Variants in PDZRN4 observed in about 807,000 individuals in gnomAD.
PDZRN4 encodes PDZ domain containing ring finger 4.
A neutral mutation model predicts 99.0 loss-of-function variants in PDZRN4; 70 were observed. The ratio of observed to expected loss-of-function variants is 0.71; its 90% CI spans 0.58 to 0.86. The LOEUF (loss-of-function observed/expected upper bound fraction) is 0.86, where lower values mean the gene tolerates loss of function less well. Ranked by LOEUF, PDZRN4 falls within the 40% of genes least tolerant of loss-of-function variation. PDZRN4 has a pLI of 0.00. For missense variants in PDZRN4, 1,474 were observed against 1,331.2 expected (o/e 1.11, Z -1.67); for synonymous variants, 551 against 501.6 (o/e 1.10, Z -1.32).
intron 4 of PDZRN4, among the ~76,000 whole-genome samples, chr12:41,508,874 A>G (rs1388189644): frequency 6.6e-6 from 1 of 152,100 alleles, no homozygotes; most frequent in Non-Finnish European, 1.5e-5. Flanking sequence ...CCAATTTTTC[A>G]AAAAGATCCA....
intron 3 of PDZRN4, among the ~76,000 whole-genome samples, chr12:41,259,162 T>C (rs1033790112): frequency 2.6e-5 from 4 of 152,126 alleles, no homozygotes; most frequent in Non-Finnish European, 5.9e-5. Flanking sequence ...GTGTATATTA[T>C]AAGCATTTTC....
chr12:41,506,377 T>A, intron 3 of PDZRN4, 79 bp from the exon 4 acceptor site: 1 of 1,364,890 alleles, frequency 7.3e-7, no homozygotes, highest in African/African-American at 1.4e-5. Context: ...GAAACCTTTC[T>A]CTCTGTCTTT....
chr12:41,229,496 C>T (rs1035826817), intron 3 of PDZRN4, among the ~76,000 whole-genome samples: 1 of 152,046 alleles, frequency 6.6e-6, no homozygotes, highest in African/African-American at 2.4e-5. Flanking sequence ...TTGCACACTA[C>T]ATGAATACTG....
chr12:41,551,056 T>C (rs1242529455), intron 5 of PDZRN4, among the ~76,000 whole-genome samples: 1 of 152,180 alleles, frequency 6.6e-6, no homozygotes, highest in African/African-American at 2.4e-5. Context: ...TGGGCTGCTA[T>C]AACAAAATAC....
rs765999114 is a variant in PDZRN4 at position 41,188,435 on chromosome 12, C to T, written c.-21C>T. ...GAAGACGGACTCTGCTTTCGCTCCC[C>T]CTTTCTTCCCCATCCCTAACATGGG... On this transcript the variant is annotated 5_prime_UTR_variant, in exon 1 of 10. Transcript: ENST00000402685. The T allele has an allele frequency of 1.0e-5, 16 of 1,555,804 alleles. No individual in the cohort carries two copies. The highest frequency in any genetic ancestry group is 1.3e-5 in the Non-Finnish European group (15 of 1,157,560).
intron 5 of PDZRN4, among the ~76,000 whole-genome samples, chr12:41,515,110 C>T (rs779620973): frequency 1.3e-5 from 2 of 152,022 alleles, no homozygotes; most frequent in African/African-American, 2.4e-5. Flanking sequence ...CGGGGGCTGT[C>T]TCTGTCCATT....
chr12:41,263,414 T>C (rs902753694), intron 3 of PDZRN4, among the ~76,000 whole-genome samples: 1 of 151,460 alleles, frequency 6.6e-6, no homozygotes, highest in Non-Finnish European at 1.5e-5. Context: ...TTAGCCAGCA[T>C]GGTGTTGCAT....
chr12:41,438,194 T>TC (rs1002166412), intron 3 of PDZRN4, among the ~76,000 whole-genome samples: 3 of 152,172 alleles, frequency 2.0e-5, no homozygotes, highest in African/African-American at 4.8e-5. Flanking sequence ...TCCTTGCCAC[T>TC]CCCCCTTCAG....
intron 3 of PDZRN4, among the ~76,000 whole-genome samples, chr12:41,469,193 A>C (rs1404908840): frequency 6.6e-6 from 1 of 152,182 alleles, no homozygotes; most frequent in Non-Finnish European, 1.5e-5. Flanking sequence ...CTAAGTTTGT[A>C]AGTGACATTA....
chr12:41,229,190 T>C (rs1951013902), intron 3 of PDZRN4, among the ~76,000 whole-genome samples: 1 of 151,146 alleles, frequency 6.6e-6, no homozygotes, highest in Non-Finnish European at 1.5e-5. Flanking sequence ...GTTATCAGTG[T>C]AAACATTAGA....
chr12:41,428,351 T>G (rs1385622672), intron 3 of PDZRN4, among the ~76,000 whole-genome samples: 1 of 152,156 alleles, frequency 6.6e-6, no homozygotes, highest in Admixed American at 6.5e-5. Flanking sequence ...ATAGCTTGTG[T>G]TTACTTATGC....
chr12:41,564,423 A>G (rs915037917), intron 8 of PDZRN4, among the ~76,000 whole-genome samples: 1 of 152,190 alleles, frequency 6.6e-6, no homozygotes, highest in South Asian at 2.1e-4. Context: ...GAAGGGACAA[A>G]ACATTGTCAC....
chr12:41,343,845 C>T (rs1391043424), intron 3 of PDZRN4, among the ~76,000 whole-genome samples: 1 of 151,172 alleles, frequency 6.6e-6, no homozygotes, highest in African/African-American at 2.4e-5. Flanking sequence ...CAAATTGTAC[C>T]CTATAAATAT....
At chr12:41,250,641 A>G (rs1294883390) in intron 3 of PDZRN4, among the ~76,000 whole-genome samples, 4 of 152,170 alleles carry the variant, frequency 2.6e-5, no homozygotes, top group Non-Finnish European at 5.9e-5. Flanking sequence ...GGCAAATGAA[A>G]AGAAGTTTGG....
intron 3 of PDZRN4, among the ~76,000 whole-genome samples, chr12:41,242,971 G>T (rs1445953765): frequency 6.6e-6 from 1 of 152,206 alleles, no homozygotes; most frequent in Non-Finnish European, 1.5e-5. Context: ...CCTAATTGCA[G>T]TGTGTGTTGG....
intron 3 of PDZRN4, among the ~76,000 whole-genome samples, chr12:41,201,676 G>A (rs12821884): frequency 0.023 from 3,446 of 152,044 alleles, 51 homozygotes; most frequent in Non-Finnish European, 0.024. Context: ...AATTTTTCCA[G>A]TTGGGCAGTC....
intron 3 of PDZRN4, among the ~76,000 whole-genome samples, chr12:41,212,006 T>C (rs1226703168): frequency 6.6e-6 from 1 of 151,986 alleles, no homozygotes; most frequent in Non-Finnish European, 1.5e-5. Context: ...TTTTATTTTA[T>C]ATTCTTGCCT....
At chr12:41,460,096 T>C in intron 3 of PDZRN4, 3 of 1,281,782 alleles carry the variant, frequency 2.3e-6, no homozygotes, top group Non-Finnish European at 2.0e-6. Context: ...TTATATATTT[T>C]CTGTCAGGGG....
At chr12:41,500,752 C>G (rs1382343734) in intron 3 of PDZRN4, among the ~76,000 whole-genome samples, 1 of 151,980 alleles carries the variant, frequency 6.6e-6, no homozygotes, top group African/African-American at 2.4e-5. Context: ...GAAAAAAAAG[C>G]AGTGAGCTGA....
Sources: allele counts gnomAD v4.1 joint callset (sites outside exome capture counted in the v4.1 genomes callset), GRCh38; gene constraint gnomAD v4.1.1; transcripts MANE v1.5; gene names NCBI Gene and HGNC (gene_info 2026-07-23, HGNC 2026-07-21).